The following UBE3A variants were observed in gnomAD, a reference collection of about 807,000 sequenced individuals.
UBE3A encodes ubiquitin protein ligase E3A, also known as ubiquitin-protein ligase E3A.
Under a neutral mutation model 83.4 loss-of-function variants are expected in UBE3A, and 6 were observed. The ratio of observed to expected loss-of-function variants is 0.07; its 90% CI spans 0.04 to 0.14. The LOEUF (loss-of-function observed/expected upper bound fraction) is 0.14, where lower values mean the gene tolerates loss of function less well. Ranked by LOEUF, UBE3A falls within the 10% of genes least tolerant of loss-of-function variation. UBE3A has a pLI of 1.00. For synonymous variants in UBE3A, 337 were observed against 355.4 expected (o/e 0.95, Z 0.58); for missense variants, 456 against 1,036.1 (o/e 0.44, Z 7.69).
intron 11 of UBE3A, among the ~76,000 whole-genome samples, chr15:25,344,988 C>A (rs1198184283): frequency 3.3e-5 from 5 of 152,088 alleles, no homozygotes; most frequent in Non-Finnish European, 7.4e-5. Flanking sequence ...TCCCTCCCAA[C>A]CTCCCCTACA....
intron 11 of UBE3A, 129 bp from the exon 12 acceptor site, chr15:25,340,357 C>T: frequency 8.9e-7 from 1 of 1,124,378 alleles, no homozygotes; most frequent in Non-Finnish European, 1.3e-6. Context: ...GATAGTATCA[C>T]TTCTGGTGAT....
intron 4 of UBE3A, among the ~76,000 whole-genome samples, chr15:25,386,386 T>C (rs970041753): frequency 2.0e-5 from 3 of 152,128 alleles, no homozygotes; most frequent in African/African-American, 7.2e-5. Flanking sequence ...CAGCAGGGAT[T>C]TGGAATTATC....
At chr15:25,426,592 G>A (rs1462640524) in intron 1 of UBE3A, among the ~76,000 whole-genome samples, 2 of 152,090 alleles carry the variant, frequency 1.3e-5, no homozygotes, top group Non-Finnish European at 1.5e-5. Context: ...AATAAATGTA[G>A]CACTTAAACG....
chr15:25,437,486 AAT>A (rs1406749537), intron 1 of UBE3A, among the ~76,000 whole-genome samples: 1 of 152,190 alleles, frequency 6.6e-6, no homozygotes, highest in Non-Finnish European at 1.5e-5. Context: ...TGCTTCTCTC[AAT>A]ATTGCAGGCA....
At chr15:25,359,449 G>GTGTA (rs1398605863) in intron 7 of UBE3A, among the ~76,000 whole-genome samples, 1 of 151,346 alleles carries the variant, frequency 6.6e-6, no homozygotes, top group Non-Finnish European at 1.5e-5. Context: ...GTGTGTGTGT[G>GTGTA]TGTGTGTGTG....
At position 25,416,699 on chromosome 15, in the gene UBE3A, A is replaced by G. The variant is rs183703668; in HGVS notation, c.-164-4728T>C. 1.9e-3 allele frequency among the ~76,000 whole-genome samples: 285 copies of G among 152,180 alleles called. 2 individuals are homozygous for G. Among genetic ancestry groups the G allele is most frequent in the African/African-American group, 6.6e-3 (272 of 41,496 alleles). The stretch of plus-strand genomic sequence containing the variant: ...AGCATTAGACAAAGAGGTAAGCACA[A>G]CAAGCACAACAGAAAGCTAATTTCA... On this transcript the variant is annotated intron_variant, in intron 1 of 12. Coordinates refer to ENST00000648336, the MANE Select transcript of UBE3A (RefSeq NM_130839.5).
intron 12 of UBE3A, 49 bp downstream of exon 12, chr15:25,340,036 A>G (rs1235941240): frequency 8.1e-6 from 13 of 1,611,942 alleles, no homozygotes; most frequent in Non-Finnish European, 1.1e-5. Flanking sequence ...TGTGACGAGG[A>G]ATGCAAGGTT....
At chr15:25,339,480 G>A (rs765065002) in intron 12 of UBE3A, 14 of 441,670 alleles carry the variant, frequency 3.2e-5, no homozygotes, top group Non-Finnish European at 5.2e-5. Context: ...TATCCATTGA[G>A]TTTTTACTAC....
At chr15:25,401,046 T>C (rs896356309) in intron 4 of UBE3A, among the ~76,000 whole-genome samples, 2 of 152,174 alleles carry the variant, frequency 1.3e-5, no homozygotes, top group Non-Finnish European at 2.9e-5. Flanking sequence ...TTCTCAATTA[T>C]CTCAATTATC....
At position 25,338,187 on chromosome 15, in the gene UBE3A, ACT is replaced by A. The variant is rs1055854509; in HGVS notation, c.*948_*949del. 1 of 152,118 alleles carries A rather than the reference ACT, an allele frequency of 6.6e-6. No individual in the cohort carries two copies. The highest frequency in any genetic ancestry group is 2.4e-5 in the African/African-American group (1 of 41,526). The allele number at this position is 152,118 out of a possible 1,614,324, so 9.4% of individuals were successfully genotyped here. ...GGTAATAAGTAAGTAATTAATAAAA[ACT>A]CTATCTTAAGTGCACTTTCACATGC... is the stretch of plus-strand genomic sequence containing the variant. On this transcript the variant is annotated 3_prime_UTR_variant, in exon 13 of 13. Transcript: ENST00000648336.
intron 4 of UBE3A, among the ~76,000 whole-genome samples, chr15:25,403,303 G>T (rs1265241810): frequency 6.6e-6 from 1 of 152,122 alleles, no homozygotes; most frequent in African/African-American, 2.4e-5. Context: ...TAAGTTTTCA[G>T]TCTTCTCAAA....
chr15:25,365,853 A>G (rs952978101), intron 6 of UBE3A, among the ~76,000 whole-genome samples: 1 of 152,184 alleles, frequency 6.6e-6, no homozygotes, highest in African/African-American at 2.4e-5. Context: ...TATCCAAATT[A>G]ATTTTTTCAT....
chr15:25,355,058 A>G (rs1333125385), intron 9 of UBE3A, among the ~76,000 whole-genome samples: 3 of 152,236 alleles, frequency 2.0e-5, no homozygotes, highest in Non-Finnish European at 4.4e-5. Context: ...AGAACTGAAT[A>G]TAAATGCTGG....
At chr15:25,358,808 G>A (rs1355355530) in intron 7 of UBE3A, among the ~76,000 whole-genome samples, 1 of 152,044 alleles carries the variant, frequency 6.6e-6, no homozygotes, top group Non-Finnish European at 1.5e-5. Flanking sequence ...TGAGTTTCAT[G>A]GTTTCTATCT....
intron 11 of UBE3A, among the ~76,000 whole-genome samples, chr15:25,343,460 T>C (rs1013681316): frequency 6.6e-5 from 10 of 152,044 alleles, no homozygotes; most frequent in African/African-American, 2.4e-4. Flanking sequence ...TGAAGAAATA[T>C]GCAAGGTAAC....
At chr15:25,365,748 A>T (rs1384787375) in intron 6 of UBE3A, among the ~76,000 whole-genome samples, 1 of 138,260 alleles carries the variant, frequency 7.2e-6, no homozygotes, top group Non-Finnish European at 1.5e-5. Flanking sequence ...ACTCCGTCTA[A>T]AAAAAAAAAA....
chr15:25,423,601 T>A (rs1327556954), intron 1 of UBE3A, among the ~76,000 whole-genome samples: 1 of 152,164 alleles, frequency 6.6e-6, no homozygotes, highest in Non-Finnish European at 1.5e-5. Flanking sequence ...GAGTATTCCA[T>A]CTCAGGTTTC....
intron 4 of UBE3A, chr15:25,393,727 T>C (rs2084918589): frequency 1.3e-5 from 2 of 152,216 alleles, no homozygotes. Context: ...TACTGTGAAC[T>C]AGAAGTATGT....
intron 9 of UBE3A, among the ~76,000 whole-genome samples, chr15:25,355,136 A>G (rs1566891505): frequency 6.6e-6 from 1 of 152,168 alleles, no homozygotes; most frequent in Non-Finnish European, 1.5e-5. Context: ...CCATGTATCC[A>G]TCTATTTATA....
Sources: gnomAD v4.1 joint callset for allele counts (sites outside exome capture counted in the v4.1 genomes callset) on GRCh38, gnomAD v4.1.1 for gene constraint, MANE v1.5 for transcripts, NCBI Gene and HGNC (gene_info 2026-07-23, HGNC 2026-07-21) for gene names.